ATP10D: variants seen among roughly 807,000 people sequenced by gnomAD.
ATP10D encodes phospholipid-transporting ATPase VD.
A neutral mutation model predicts 144.8 loss-of-function variants in ATP10D; 89 were observed. The ratio of observed to expected loss-of-function variants is 0.61; its 90% CI spans 0.52 to 0.73. The LOEUF (loss-of-function observed/expected upper bound fraction) is 0.73, where lower values mean the gene tolerates loss of function less well. ATP10D is among the 30% of genes least tolerant of loss of function. The pLI is 0.00. For synonymous variants in ATP10D, 571 were observed against 615.1 expected (o/e 0.93, Z 1.06); for missense variants, 1,603 against 1,714.8 (o/e 0.93, Z 1.15).
chr4:47,499,817 G>A (rs533174702), intron 1 of ATP10D, among the ~76,000 whole-genome samples: 1 of 152,246 alleles, frequency 6.6e-6, no homozygotes, highest in South Asian at 2.1e-4. Flanking sequence ...GTTTTAGAAC[G>A]ATAAAATTTA....
chr4:47,569,240 C>T, intron 16 of ATP10D, 94 bp downstream of exon 16: 1 of 1,377,098 alleles, frequency 7.3e-7, no homozygotes, highest in Non-Finnish European at 9.8e-7. Flanking sequence ...CTGTTCCTTC[C>T]ATTTTCCTCC....
chr4:47,514,748 A>G (rs1716542395), intron 2 of ATP10D, among the ~76,000 whole-genome samples: 1 of 152,152 alleles, frequency 6.6e-6, no homozygotes, highest in South Asian at 2.1e-4. Flanking sequence ...CTCAATTTTG[A>G]GGCTTGTTTA....
At chr4:47,535,391 A>G in intron 5 of ATP10D, 118 bp from the exon 6 acceptor site, 1 of 718,128 alleles carries the variant, frequency 1.4e-6, no homozygotes, top group Non-Finnish European at 2.2e-6. Flanking sequence ...AGATTTGAAA[A>G]CTTTCTTGTG....
At chr4:47,534,817 C>A (rs1476046853) in intron 5 of ATP10D, among the ~76,000 whole-genome samples, 1 of 152,072 alleles carries the variant, frequency 6.6e-6, no homozygotes, top group Non-Finnish European at 1.5e-5. Flanking sequence ...CAAACAATGA[C>A]TACCATTGAA....
chr4:47,568,000 C>T (rs1293807867), intron 15 of ATP10D, among the ~76,000 whole-genome samples: 3 of 152,210 alleles, frequency 2.0e-5, no homozygotes, highest in African/African-American at 7.2e-5. Flanking sequence ...TCACTTGACA[C>T]AGTAATTTCT....
rs190007559 is a variant in ATP10D, at chr4:47,506,115, A to G, written c.-37-6389A>G. On this transcript the variant is annotated intron_variant, in intron 1 of 22. Coordinates refer to ENST00000273859, the MANE Select transcript of ATP10D (RefSeq NM_020453.4). The stretch of plus-strand genomic sequence containing the variant: ...CTGTTAGTGATGGAGTGTAGTTTTT[A>G]ATATCTTCTAGAAAAAATACTATAA... 6.6e-5 allele frequency among the ~76,000 whole-genome samples: 10 copies of G among 152,306 alleles called. No homozygotes were observed. The East Asian group carries it at 1.9e-3, about 29-fold the overall frequency.
intron 1 of ATP10D, among the ~76,000 whole-genome samples, chr4:47,497,226 T>G (rs1310804658): frequency 6.6e-6 from 1 of 151,908 alleles, no homozygotes; most frequent in African/African-American, 2.4e-5. Context: ...GAGGCTGAGG[T>G]GGGCAGATTG....
chr4:47,583,354 CAT>C (rs1180647485), intron 21 of ATP10D: 1 of 152,048 alleles, frequency 6.6e-6, no homozygotes, highest in Non-Finnish European at 1.5e-5. Context: ...GTCCTGATAA[CAT>C]ATGAATTTTA....
chr4:47,486,169 A>G (rs749130448), intron 1 of ATP10D, among the ~76,000 whole-genome samples: 9 of 152,182 alleles, frequency 5.9e-5, no homozygotes, highest in Non-Finnish European at 1.3e-4. Flanking sequence ...GGCACCCTTT[A>G]TTTTACGTTG....
At position 47,592,046 on chromosome 4, in the gene ATP10D, G is replaced by A. The variant is rs1036796591; in HGVS notation, c.*665G>A. ...CTGAGGTGGAGCCTTCATTGGAAAG[G>A]GGAAAGAGGGATTCTAGGGTTTCAT... On this transcript the variant is annotated 3_prime_UTR_variant, in exon 23 of 23. Transcript: ENST00000273859. 3 of 152,324 alleles carry A rather than the reference G, an allele frequency of 2.0e-5. No homozygotes were observed. The highest frequency in any genetic ancestry group is 4.8e-5 in the African/African-American group (2 of 41,424). The allele number at this position is 152,324 out of a possible 1,614,324, so 9.4% of individuals were successfully genotyped here.
rs371308151 is a variant in ATP10D at position 47,523,048 on chromosome 4, C to A, written c.522C>A (p.Asp174Glu). 6.2e-7 allele frequency: 1 copy of A among 1,612,866 alleles called. No homozygotes were observed. Among genetic ancestry groups the A allele is most frequent in the Admixed American group, 1.7e-5 (1 of 59,894 alleles). ...AATACATTGACCGATGCTGGAAAGA[C>A]GTTACTGTTGGGGACTTTATTCGCC... The part of the protein sequence containing the change: ...EKKYIDRCWK[D>E]VTVGDFIRLS... The change falls in exon 4 of 23, where the codon GAC becomes GAA. Residue 174 changes from aspartate (D) to glutamate (E), a missense_variant. Asp to Glu is a conservative substitution (Grantham distance 45). Coordinates refer to ENST00000273859, the MANE Select transcript of ATP10D (RefSeq NM_020453.4).
intron 1 of ATP10D, among the ~76,000 whole-genome samples, chr4:47,489,473 G>A (rs1714963192): frequency 6.6e-6 from 1 of 152,088 alleles, no homozygotes. Context: ...TTGGGTGGTA[G>A]GATTATAGTT....
At position 47,515,610 on chromosome 4, in the gene ATP10D, A is replaced by G. The variant is rs1716633244; in HGVS notation, c.425A>G (p.Asp142Gly). ...TIIAIKDGLE[D>G]YRKYKIDKQI... is the part of the protein sequence containing the mutation. The stretch of plus-strand genomic sequence containing the variant: ...ATCGCAATTAAAGATGGCCTGGAAG[A>G]TTATCGGAAATACAAAATTGACAAA... The change falls in exon 3 of 23, where the codon GAT becomes GGT. Residue 142 changes from aspartate to glycine, a missense_variant. By Grantham distance (94) the Asp-to-Gly change is moderately conservative (BLOSUM62 -1). Transcript: ENST00000273859. 6.2e-7 allele frequency: 1 copy of G among 1,612,718 alleles called. No homozygotes were observed. The highest frequency in any genetic ancestry group is 1.7e-5 in the Admixed American group (1 of 59,966).
In ATP10D at chr4:47,592,398, T is replaced by C. The variant is rs1721088873; in HGVS notation, c.*1017T>C. 6.6e-6 allele frequency: 1 copy of C among 152,592 alleles called. No individual in the cohort carries two copies. The highest frequency in any genetic ancestry group is 2.4e-5 in the African/African-American group (1 of 41,454). The allele number at this position is 152,592 out of a possible 1,614,324, so 9.5% of individuals were successfully genotyped here. ...ATACAAGTTGTTCTCTGGAGGTTTC[T>C]ATGAGGTTCTTAGAAAAATTTGGTT... On this transcript the variant is annotated 3_prime_UTR_variant, in exon 23 of 23. Transcript: ENST00000273859.
chr4:47,507,947 G>A (rs1425894350), intron 1 of ATP10D, among the ~76,000 whole-genome samples: 1 of 152,180 alleles, frequency 6.6e-6, no homozygotes, highest in East Asian at 1.9e-4. Context: ...GGCAGCATTT[G>A]GAGAGGTGCA....
intron 1 of ATP10D, among the ~76,000 whole-genome samples, chr4:47,486,208 A>G (rs530573216): frequency 2.0e-5 from 3 of 152,358 alleles, no homozygotes; most frequent in South Asian, 2.1e-4. Flanking sequence ...TTTACCACGT[A>G]CAGCAGAGAG....
At chr4:47,510,476 G>C (rs1382777017) in intron 1 of ATP10D, among the ~76,000 whole-genome samples, 1 of 152,210 alleles carries the variant, frequency 6.6e-6, no homozygotes, top group Non-Finnish European at 1.5e-5. Context: ...AAGTCCTAAA[G>C]AGAAGGAGAC....
intron 9 of ATP10D, among the ~76,000 whole-genome samples, chr4:47,537,320 C>T (rs1717909329): frequency 6.6e-6 from 1 of 152,100 alleles, no homozygotes; most frequent in Admixed American, 6.5e-5. Context: ...TGTTTGGCCC[C>T]TAGGTATCCA....
intron 1 of ATP10D, chr4:47,491,018 G>A (rs1715043840): frequency 1.4e-6 from 1 of 709,566 alleles, no homozygotes; most frequent in Non-Finnish European, 2.7e-6. Flanking sequence ...GGTTCCAGCA[G>A]CTCAGGTTCC....
Sources: allele counts gnomAD v4.1 joint callset (sites outside exome capture counted in the v4.1 genomes callset), GRCh38; gene constraint gnomAD v4.1.1; transcripts MANE v1.5; gene names NCBI Gene and HGNC (gene_info 2026-07-23, HGNC 2026-07-21).